PHACTR3: variants seen among roughly 807,000 people sequenced by gnomAD.
PHACTR3 encodes the protein phosphatase and actin regulator 3.
PHACTR3 carries 16 observed loss-of-function variants against 66.8 expected under a neutral mutation model. The observed-to-expected ratio is 0.24, with a 90% CI of 0.16 to 0.36. PHACTR3 has a LOEUF of 0.36. Ranked by LOEUF, PHACTR3 falls within the 10% of genes least tolerant of loss-of-function variation. The pLI is 1.00. For missense variants in PHACTR3, 647 were observed against 719.9 expected, an observed-to-expected ratio of 0.90 and a Z score of 1.16; for synonymous variants, 323 against 292.1, an observed-to-expected ratio of 1.11 and a Z score of -1.08.
At chr20:59,732,094 C>G (rs77271659) in intron 1 of PHACTR3, among the ~76,000 whole-genome samples, 9,316 of 152,216 alleles carry the variant, frequency 0.061, 371 homozygotes, top group African/African-American at 0.073. Flanking sequence ...CAGAACTTCT[C>G]AGAGCCTATA....
intron 8 of PHACTR3, among the ~76,000 whole-genome samples, chr20:59,834,445 G>A (rs185790817): frequency 6.6e-6 from 1 of 152,194 alleles, no homozygotes; most frequent in South Asian, 2.1e-4. Context: ...CCAGCTCTAA[G>A]GGGAGACCCC....
intron 1 of PHACTR3, among the ~76,000 whole-genome samples, chr20:59,698,775 A>C (rs1359782042): frequency 2.6e-5 from 4 of 152,202 alleles, no homozygotes; most frequent in Non-Finnish European, 5.9e-5. Flanking sequence ...TACCATGTTC[A>C]TGGCCCACAG....
rs541843112 is a variant in PHACTR3 at position 59,713,077 on chromosome 20, C to A, written c.119-30030C>A. Among the ~76,000 whole-genome samples, 19 of 152,338 alleles carry A rather than the reference C, an allele frequency of 1.2e-4. No individual in the cohort carries two copies. The South Asian group carries it at 2.9e-3, about 23-fold the overall frequency. ...CGAGTTTGCCTCATTTCTCACAACACGGTCTAGGGTCTGAGTTCTCATTTT... is the reference window on the plus strand; with the variant it reads ...CGAGTTTGCCTCATTTCTCACAACAAGGTCTAGGGTCTGAGTTCTCATTTT... On this transcript the variant is annotated intron_variant, in intron 1 of 12. Transcript: ENST00000371015.
intron 8 of PHACTR3, among the ~76,000 whole-genome samples, chr20:59,818,561 C>T (rs1197334866): frequency 6.6e-6 from 1 of 152,208 alleles, no homozygotes; most frequent in Non-Finnish European, 1.5e-5. Flanking sequence ...ATATTTTCCT[C>T]ACTCCAAAAA....
intron 1 of PHACTR3, among the ~76,000 whole-genome samples, chr20:59,642,600 G>A (rs1241727286): frequency 1.3e-5 from 2 of 152,138 alleles, no homozygotes; most frequent in African/African-American, 4.8e-5. Context: ...ATAGGAATTT[G>A]CCACCATTTA....
At chr20:59,769,609 C>T (rs2040297673) in intron 5 of PHACTR3, among the ~76,000 whole-genome samples, 1 of 152,210 alleles carries the variant, frequency 6.6e-6, no homozygotes, top group African/African-American at 2.4e-5. Context: ...GATGGTTTGC[C>T]TCTCTCTAAC....
chr20:59,673,653 G>A (rs189888083), intron 1 of PHACTR3, among the ~76,000 whole-genome samples: 6 of 152,322 alleles, frequency 3.9e-5, no homozygotes. Context: ...GGAGGCCCCA[G>A]GATTCCGACT....
chr20:59,753,544 C>CT (rs2039675929), intron 3 of PHACTR3, among the ~76,000 whole-genome samples: 1 of 152,206 alleles, frequency 6.6e-6, no homozygotes. Context: ...GGCCAGATCA[C>CT]TCTTGTCACC....
At chr20:59,744,878 G>A (rs1318764590) in intron 2 of PHACTR3, among the ~76,000 whole-genome samples, 1 of 152,204 alleles carries the variant, frequency 6.6e-6, no homozygotes, top group South Asian at 2.1e-4. Context: ...GAACCAGCAC[G>A]TGAGTCGATT....
chr20:59,803,477 T>C (rs2041476379), intron 7 of PHACTR3, among the ~76,000 whole-genome samples: 1 of 152,194 alleles, frequency 6.6e-6, no homozygotes, highest in African/African-American at 2.4e-5. Flanking sequence ...GTAACCAAAA[T>C]TAAGTAAAAT....
At chr20:59,645,109 T>G (rs927608923) in intron 1 of PHACTR3, among the ~76,000 whole-genome samples, 1 of 152,124 alleles carries the variant, frequency 6.6e-6, no homozygotes, top group Non-Finnish European at 1.5e-5. Context: ...TGAGTGAGAA[T>G]AGGCAGTATT....
At chr20:59,783,464 A>G (rs2040800826) in intron 7 of PHACTR3, among the ~76,000 whole-genome samples, 1 of 116,360 alleles carries the variant, frequency 8.6e-6, no homozygotes, top group Non-Finnish European at 1.7e-5. Context: ...TGTTTGAGCT[A>G]TTATTTCCCA....
chr20:59,673,996 G>T (rs993856137), intron 1 of PHACTR3, among the ~76,000 whole-genome samples: 18 of 152,166 alleles, frequency 1.2e-4, no homozygotes, highest in African/African-American at 4.3e-4. Flanking sequence ...GAAATCCCGC[G>T]CTGGTCTCCA....
chr20:59,836,477 A>C, intron 8 of PHACTR3, 28 bp from the exon 9 acceptor site: 1 of 1,603,852 alleles, frequency 6.2e-7, no homozygotes, highest in Non-Finnish European at 8.5e-7. Flanking sequence ...ACTATGGTGC[A>C]AAATGTAATT....
rs541975388 is a variant in PHACTR3 at position 59,635,185 on chromosome 20, T to C, written c.118+30053T>C. 4.0e-3 allele frequency among the ~76,000 whole-genome samples: 228 copies of C among 56,910 alleles called. 17 individuals are homozygous for C. Among genetic ancestry groups the C allele is most frequent in the African/African-American group, 0.013 (215 of 16,082 alleles). 37.3% of individuals were successfully genotyped at this position (56,910 alleles called of 152,430 possible). ...TCTTTCTTTCCTTTCTTTCTTTCTT[T>C]CTTTCTTTCTCTTTCTTTCTTTCCT... is the stretch of plus-strand genomic sequence containing the variant. On this transcript the variant is annotated intron_variant, in intron 1 of 12. Transcript: ENST00000371015.
rs541823251 is a variant in PHACTR3 at position 59,797,407 on chromosome 20, G to A, written c.1175-8634G>A. Among the ~76,000 whole-genome samples the A allele has an allele frequency of 2.6e-5, 4 of 151,402 alleles. No homozygotes were observed. The South Asian group carries it at 8.4e-4, about 32-fold the overall frequency. ...CAGCATCATGTTTCCTTGCTTTCTT[G>A]TTTCTTGTGTCCATGCATTGGTATC... On this transcript the variant is annotated intron_variant, in intron 7 of 12. Transcript: ENST00000371015.
intron 1 of PHACTR3, among the ~76,000 whole-genome samples, chr20:59,608,882 CTG>C (rs986366451): frequency 1.3e-5 from 2 of 152,248 alleles, no homozygotes; most frequent in African/African-American, 2.4e-5. Flanking sequence ...TCTCTGTGGA[CTG>C]TCCCTTCTAG....
chr20:59,770,173 T>C (rs1222411757), intron 5 of PHACTR3, among the ~76,000 whole-genome samples: 1 of 152,214 alleles, frequency 6.6e-6, no homozygotes, highest in Non-Finnish European at 1.5e-5. Flanking sequence ...CACTTCTGGC[T>C]TCCGCCCTGC....
intron 7 of PHACTR3, among the ~76,000 whole-genome samples, chr20:59,783,984 T>C (rs1488646541): frequency 6.6e-6 from 1 of 152,212 alleles, no homozygotes; most frequent in African/African-American, 2.4e-5. Context: ...TGAAGGTCAA[T>C]CTTGTGTGTC....
Sources: gnomAD v4.1 joint callset for allele counts (sites outside exome capture counted in the v4.1 genomes callset) on GRCh38, gnomAD v4.1.1 for gene constraint, MANE v1.5 for transcripts, NCBI Gene and HGNC (gene_info 2026-07-23, HGNC 2026-07-21) for gene names.